Variants in LARS2 observed in about 807,000 individuals in gnomAD.
The protein encoded by LARS2 is leucyl-tRNA synthetase 2, mitochondrial.
LARS2 carries 81 observed loss-of-function variants against 116.6 expected under a neutral mutation model. The ratio of observed to expected loss-of-function variants is 0.69; its 90% CI spans 0.58 to 0.84. LARS2 has a LOEUF of 0.84. Ranked by LOEUF, LARS2 falls within the 40% of genes least tolerant of loss-of-function variation. The pLI, the probability that LARS2 is intolerant of heterozygous loss-of-function variation, is 0.00. For synonymous variants in LARS2, 396 were observed against 407.2 expected (o/e 0.97, Z 0.33); for missense variants, 968 against 1,114.5 (o/e 0.87, Z 1.87).
intron 21 of LARS2, among the ~76,000 whole-genome samples, chr3:45,545,644 C>T (rs1700864333): frequency 6.6e-6 from 1 of 152,176 alleles, no homozygotes; most frequent in African/African-American, 2.4e-5. Flanking sequence ...AGACTCAGAG[C>T]ACGATGGCCA....
At chr3:45,467,027 G>A (rs1157436331) in intron 8 of LARS2, among the ~76,000 whole-genome samples, 3 of 152,300 alleles carry the variant, frequency 2.0e-5, no homozygotes, top group Admixed American at 6.5e-5. Context: ...CAGCACATTA[G>A]CGATAGGAAA....
At chr3:45,416,846 G>A (rs865914) in intron 4 of LARS2, among the ~76,000 whole-genome samples, 18,304 of 152,082 alleles carry the variant, frequency 0.12, 3,618 homozygotes, top group African/African-American at 0.41. Context: ...AGGCCGATGC[G>A]GGCGGATCAC....
chr3:45,544,339 T>C (rs1412880431), intron 21 of LARS2, among the ~76,000 whole-genome samples: 1 of 152,254 alleles, frequency 6.6e-6, no homozygotes, highest in Non-Finnish European at 1.5e-5. Flanking sequence ...GTCTCAGTTT[T>C]ACAACATATT....
chr3:45,515,308 T>C (rs566389155), intron 16 of LARS2, among the ~76,000 whole-genome samples: 1 of 152,354 alleles, frequency 6.6e-6, no homozygotes, highest in East Asian at 1.9e-4. Context: ...CCAAGTGACC[T>C]TGGGTAGCTG....
At chr3:45,512,021 T>A (rs1173818387) in intron 15 of LARS2, among the ~76,000 whole-genome samples, 1 of 152,078 alleles carries the variant, frequency 6.6e-6, no homozygotes, top group African/African-American at 2.4e-5. Context: ...GCAATCCACC[T>A]GCCTCGGCCT....
intron 4 of LARS2, among the ~76,000 whole-genome samples, chr3:45,406,583 A>G (rs952783035): frequency 5.3e-5 from 8 of 152,186 alleles, no homozygotes; most frequent in African/African-American, 1.9e-4. Flanking sequence ...TGATGAATCA[A>G]TTAGGAAACG....
intron 6 of LARS2, among the ~76,000 whole-genome samples, chr3:45,425,645 A>AC (rs1373783215): frequency 6.6e-6 from 1 of 152,194 alleles, no homozygotes; most frequent in Non-Finnish European, 1.5e-5. Context: ...GGTGTTCCCC[A>AC]CCATCAGCAC....
At chr3:45,446,155 G>C (rs1699014519) in intron 6 of LARS2, among the ~76,000 whole-genome samples, 2 of 152,198 alleles carry the variant, frequency 1.3e-5, no homozygotes, top group South Asian at 4.1e-4. Flanking sequence ...AGTTTTTGAA[G>C]TTAAAGAGCA....
chr3:45,442,606 G>A (rs774066440), intron 6 of LARS2, among the ~76,000 whole-genome samples: 5 of 152,118 alleles, frequency 3.3e-5, no homozygotes, highest in Admixed American at 3.3e-4. Context: ...TTATCTGCCT[G>A]CAACCCCAGA....
chr3:45,415,877 A>AGG (rs67324156), intron 4 of LARS2, among the ~76,000 whole-genome samples: 1 of 93,950 alleles, frequency 1.1e-5, no homozygotes, highest in South Asian at 3.0e-4. Flanking sequence ...ATATATATAT[A>AGG]GAGAGAGAGA....
At chr3:45,470,492 A>G (rs1201087420) in intron 8 of LARS2, among the ~76,000 whole-genome samples, 1 of 152,192 alleles carries the variant, frequency 6.6e-6, no homozygotes, top group African/African-American at 2.4e-5. Context: ...CTTCGTTCAG[A>G]TGGTGTACCC....
rs1284631588 is a variant in LARS2 at position 45,401,613 on chromosome 3, G to A, written c.363+1240G>A. Among the ~76,000 whole-genome samples the A allele has an allele frequency of 2.0e-5, 3 of 151,988 alleles. 1 individual carries two copies. Among genetic ancestry groups the A allele is most frequent in the South Asian group, 4.2e-4 (2 of 4,796 alleles). ...TGTGGGCCATTCCTCTTTACCCCCCGCCTGCTTTTTAAAAAAATTTTTTTG... is the reference window on the plus strand; with the variant it reads ...TGTGGGCCATTCCTCTTTACCCCCCACCTGCTTTTTAAAAAAATTTTTTTG... On this transcript the variant is annotated intron_variant, in intron 4 of 21. Coordinates refer to ENST00000645846, the MANE Select transcript of LARS2 (RefSeq NM_015340.4).
At chr3:45,428,921 G>A (rs2125693499) in intron 6 of LARS2, among the ~76,000 whole-genome samples, 3 of 151,944 alleles carry the variant, frequency 2.0e-5, no homozygotes, top group South Asian at 4.2e-4. Context: ...AGACATCATG[G>A]CTCTTGACCC....
chr3:45,538,843 C>G (rs1700749791), intron 20 of LARS2, among the ~76,000 whole-genome samples: 1 of 152,214 alleles, frequency 6.6e-6, no homozygotes, highest in African/African-American at 2.4e-5. Flanking sequence ...CAGTTCCAGT[C>G]CACAACAAGA....
chr3:45,517,263 A>G (rs555352069), intron 17 of LARS2, among the ~76,000 whole-genome samples: 1 of 152,362 alleles, frequency 6.6e-6, no homozygotes, highest in South Asian at 2.1e-4. Context: ...AGGCTTGAGA[A>G]TGCCTAGCCT....
intron 1 of LARS2, among the ~76,000 whole-genome samples, chr3:45,389,658 G>T (rs942719575): frequency 9.8e-5 from 15 of 152,332 alleles, no homozygotes; most frequent in African/African-American, 3.1e-4. Context: ...AAGAAGAGAA[G>T]AGTCTTCTTA....
intron 15 of LARS2, among the ~76,000 whole-genome samples, chr3:45,501,622 C>T (rs1700123069): frequency 6.6e-6 from 1 of 152,138 alleles, no homozygotes; most frequent in Non-Finnish European, 1.5e-5. Flanking sequence ...CAATTATGAA[C>T]AAAACTGCTA....
At position 45,438,204 on chromosome 3, in the gene LARS2, A is replaced by C. The variant is rs572564151; in HGVS notation, c.517-8687A>C. Among the ~76,000 whole-genome samples the C allele has an allele frequency of 5.3e-5, 8 of 152,146 alleles. No individual in the cohort carries two copies. In the East Asian group the frequency reaches 1.6e-3, roughly 30 times the overall value. On this transcript the variant is annotated intron_variant, in intron 6 of 21. Coordinates refer to ENST00000645846, the MANE Select transcript of LARS2 (RefSeq NM_015340.4). ...TGTTGTCATTCCTAAAAGAATATTCACTGTGCAGTTCCTTTATCTAGGAGT... is the reference window on the plus strand; with the variant it reads ...TGTTGTCATTCCTAAAAGAATATTCCCTGTGCAGTTCCTTTATCTAGGAGT...
intron 6 of LARS2, among the ~76,000 whole-genome samples, chr3:45,436,560 C>T (rs1205794888): frequency 4.0e-5 from 6 of 151,086 alleles, no homozygotes; most frequent in Non-Finnish European, 8.8e-5. Flanking sequence ...TTTGGGAGGC[C>T]GAGGCGGGTG....
Sources: gnomAD v4.1 joint callset for allele counts (sites outside exome capture counted in the v4.1 genomes callset) on GRCh38, gnomAD v4.1.1 for gene constraint, MANE v1.5 for transcripts, NCBI Gene and HGNC (gene_info 2026-07-23, HGNC 2026-07-21) for gene names.